C12orf42: variants seen among roughly 807,000 people sequenced by gnomAD.
The protein encoded by C12orf42 is chromosome 12 open reading frame 42.
In C12orf42, 25 loss-of-function variants were observed where a neutral mutation model predicts 21.6. That is an observed-to-expected ratio of 1.16 (90% confidence interval 0.84 to 1.62). The LOEUF is 1.62. Ranked by LOEUF, C12orf42 falls within the 40% of genes most tolerant of loss-of-function variation. The pLI is 0.00. For synonymous variants in C12orf42, 174 were observed against 175.0 expected, an observed-to-expected ratio of 0.99 and a Z score of 0.05; for missense variants, 483 against 459.3, an observed-to-expected ratio of 1.05 and a Z score of -0.47.
chr12:103,302,190 G>GC lies in C12orf42; in HGVS notation c.1000dup (p.Ala334GlyfsTer19). 2 of 1,612,654 alleles carry GC rather than the reference G, an allele frequency of 1.2e-6. No homozygotes were observed. Among genetic ancestry groups the GC allele is most frequent in the Non-Finnish European group, 1.7e-6 (2 of 1,179,386 alleles). ...GAAACGCCGGGTTGGGCGGGGGGGT[G>GC]CTGAGGAGCAAACCTTTATTAACCT... On this transcript the variant is annotated frameshift_variant, in exon 6 of 6. Coordinates refer to ENST00000548883, the MANE Select transcript of C12orf42 (RefSeq NM_198521.5). LOFTEE classifies it high-confidence loss of function.
At chr12:103,118,226 A>T in the C12orf42 span, among the ~76,000 whole-genome samples, 3 of 152,192 alleles carry the variant, frequency 2.0e-5, no homozygotes, top group African/African-American at 7.2e-5. Flanking sequence ...TGACTTATTG[A>T]TGTCTTTCTA....
At chr12:103,234,598 A>C (rs559602277), downstream of C12orf42, among the ~76,000 whole-genome samples, 4 of 152,236 alleles carry the variant, frequency 2.6e-5, no homozygotes, top group South Asian at 8.3e-4. Flanking sequence ...CTTACATTAA[A>C]TTTACTTTCT....
chr12:103,101,941 C>T, the C12orf42 span, among the ~76,000 whole-genome samples: 834 of 152,324 alleles, frequency 5.5e-3, 1 homozygote, highest in Non-Finnish European at 8.7e-3. Flanking sequence ...ACTAGAGTTG[C>T]TCACATGGGG....
At chr12:103,527,753 C>T in the C12orf42 span, among the ~76,000 whole-genome samples, 1 of 152,306 alleles carries the variant, frequency 6.6e-6, no homozygotes, top group African/African-American at 2.4e-5. Flanking sequence ...AGGATTTCAC[C>T]CCTCCTCAAG....
intron 3 of C12orf42, among the ~76,000 whole-genome samples, chr12:103,369,642 G>A (rs550212939): frequency 6.6e-6 from 1 of 151,942 alleles, no homozygotes; most frequent in East Asian, 1.9e-4. Flanking sequence ...CCTTGAAATG[G>A]CAAAAACAGA....
chr12:103,529,959 G>T, the C12orf42 span, among the ~76,000 whole-genome samples: 5 of 152,214 alleles, frequency 3.3e-5, no homozygotes, highest in East Asian at 7.7e-4. Context: ...AAAGAATGGG[G>T]CTTAGGAGTG....
the C12orf42 span, among the ~76,000 whole-genome samples, chr12:103,157,336 T>A: frequency 6.6e-6 from 1 of 152,224 alleles, no homozygotes; most frequent in Non-Finnish European, 1.5e-5. Context: ...TTTTTTCTTT[T>A]AAATATGTTC....
chr12:103,562,397 C>A, the C12orf42 span, among the ~76,000 whole-genome samples: 1 of 152,222 alleles, frequency 6.6e-6, no homozygotes, highest in African/African-American at 2.4e-5. Context: ...ACATCCCCTG[C>A]TCTCTTTCCT....
chr12:103,072,512 G>A, the C12orf42 span, among the ~76,000 whole-genome samples: 1 of 151,836 alleles, frequency 6.6e-6, no homozygotes, highest in Non-Finnish European at 1.5e-5. Context: ...CCTGAAATAG[G>A]CAATTTTAGT....
At chr12:103,388,013 C>G (rs1336199770) in intron 3 of C12orf42, among the ~76,000 whole-genome samples, 2 of 152,182 alleles carry the variant, frequency 1.3e-5, no homozygotes, top group Non-Finnish European at 1.5e-5. Flanking sequence ...AAAATAATCT[C>G]TTTTTAGATA....
Position 103,413,348 on chromosome 12 carries a change from C to T in C12orf42, c.79-11673G>A, listed in dbSNP as rs74758270. On this transcript the variant is annotated intron_variant, in intron 2 of 5. Transcript: ENST00000548883. ...AACCAGCACTATGCTGTTTTGCCTA[C>T]TGCAGTTTTACAGTATAGTTTGAAG... 3.1e-3 allele frequency among the ~76,000 whole-genome samples: 474 copies of T among 152,282 alleles called. 3 individuals carry two copies. Among genetic ancestry groups the T allele is most frequent in the Middle Eastern group, 0.014 (4 of 294 alleles).
the C12orf42 span, among the ~76,000 whole-genome samples, chr12:103,142,737 C>T: frequency 2.0e-5 from 3 of 152,176 alleles, no homozygotes; most frequent in Non-Finnish European, 1.5e-5. Context: ...GTGAATTTCT[C>T]TATATGTCTC....
the C12orf42 span, among the ~76,000 whole-genome samples, chr12:103,205,492 A>G: frequency 6.6e-6 from 1 of 152,182 alleles, no homozygotes; most frequent in Non-Finnish European, 1.5e-5. Flanking sequence ...ACTTGCCCCC[A>G]TGATTCAATT....
chr12:103,245,669 A>C (rs1484117560), intron 10 of C12orf42, among the ~76,000 whole-genome samples: 1 of 152,122 alleles, frequency 6.6e-6, no homozygotes, highest in Non-Finnish European at 1.5e-5. Flanking sequence ...TGGGCCAAAA[A>C]ATTCTTAATT....
the C12orf42 span, among the ~76,000 whole-genome samples, chr12:103,205,175 C>T: frequency 1.3e-5 from 2 of 152,086 alleles, no homozygotes; most frequent in Admixed American, 1.3e-4. Flanking sequence ...AAACACTATT[C>T]GTTGGAAAAT....
chr12:103,538,122 G>C, the C12orf42 span, among the ~76,000 whole-genome samples: 4 of 152,164 alleles, frequency 2.6e-5, no homozygotes, highest in Admixed American at 2.6e-4. Context: ...ACATTCACAG[G>C]GAGATTGTGG....
chr12:103,207,235 A>T, the C12orf42 span, among the ~76,000 whole-genome samples: 1 of 152,166 alleles, frequency 6.6e-6, no homozygotes, highest in Admixed American at 6.5e-5. Flanking sequence ...ATGATTAACC[A>T]AAATTTTGTG....
the C12orf42 span, among the ~76,000 whole-genome samples, chr12:103,101,888 C>A: frequency 1.8e-4 from 27 of 152,208 alleles, no homozygotes; most frequent in Admixed American, 1.7e-3. Context: ...GTCAGGATGA[C>A]CTATCTCTGC....
intron 10 of C12orf42, among the ~76,000 whole-genome samples, chr12:103,249,125 T>C (rs2136189060): frequency 1.3e-5 from 2 of 152,118 alleles, no homozygotes; most frequent in Admixed American, 1.3e-4. Flanking sequence ...GAGGTCATAT[T>C]AGAAGGAGAC....
Sources: gnomAD v4.1 joint callset for allele counts (sites outside exome capture counted in the v4.1 genomes callset) on GRCh38, gnomAD v4.1.1 for gene constraint, MANE v1.5 for transcripts, NCBI Gene and HGNC (gene_info 2026-07-23, HGNC 2026-07-21) for gene names.